The following PAK1 variants were observed in gnomAD, a reference collection of about 807,000 sequenced individuals.
The protein encoded by PAK1 is serine/threonine-protein kinase PAK 1.
Under a neutral mutation model 67.4 loss-of-function variants are expected in PAK1, and 29 were observed. The observed-to-expected ratio is 0.43, with a 90% CI of 0.32 to 0.59. The LOEUF (loss-of-function observed/expected upper bound fraction) is 0.59. Ranked by LOEUF, PAK1 falls within the 20% of genes least tolerant of loss-of-function variation. The probability of loss-of-function intolerance (pLI) is 0.07; values close to 1 mark genes in which losing one functional copy is unlikely to be tolerated. For synonymous variants in PAK1, 223 were observed against 237.4 expected (o/e 0.94, Z 0.56); for missense variants, 337 against 670.7 (o/e 0.50, Z 5.50).
chr11:77,365,652 G>A (rs1244253876), intron 5 of PAK1, among the ~76,000 whole-genome samples: 1 of 151,974 alleles, frequency 6.6e-6, no homozygotes, highest in Non-Finnish European at 1.5e-5. Flanking sequence ...GGCCAATATG[G>A]TGAAACCCCA....
intron 2 of PAK1, among the ~76,000 whole-genome samples, chr11:77,381,178 G>GTGTGTGTGTGTGTGTGTGT (rs869219760): frequency 9.3e-6 from 1 of 107,498 alleles, no homozygotes; most frequent in African/African-American, 2.8e-5. Flanking sequence ...TGTGTGTGTA[G>GTGTGTGTGTGTGTGTGTGT]AGAGAGAGAG....
chr11:77,521,713 G>A, the PAK1 span, among the ~76,000 whole-genome samples: 2 of 152,196 alleles, frequency 1.3e-5, no homozygotes, highest in Non-Finnish European at 1.5e-5. Flanking sequence ...ATGGGGCTTG[G>A]CTTGGTTAGC....
intron 2 of PAK1, 135 bp downstream of exon 2, chr11:77,392,196 G>A (rs1951224376): frequency 1.6e-6 from 1 of 644,284 alleles, no homozygotes; most frequent in South Asian, 2.6e-5. Flanking sequence ...CCACTGTAGG[G>A]AGAAAGGGAA....
chr11:77,523,762 A>G, the PAK1 span, among the ~76,000 whole-genome samples: 3 of 152,204 alleles, frequency 2.0e-5, no homozygotes, highest in Non-Finnish European at 4.4e-5. Context: ...GCATTTTTCC[A>G]TAATAAAAAG....
chr11:77,342,290 T>C (rs1400237135), intron 10 of PAK1, among the ~76,000 whole-genome samples: 2 of 152,194 alleles, frequency 1.3e-5, no homozygotes, highest in Non-Finnish European at 2.9e-5. Context: ...TATTTACTTC[T>C]AATTTCCAGA....
At chr11:77,494,589 T>C in the PAK1 span, among the ~76,000 whole-genome samples, 1 of 133,954 alleles carries the variant, frequency 7.5e-6, no homozygotes, top group Non-Finnish European at 1.5e-5. Flanking sequence ...ATAGCTACTA[T>C]TAAAAAAAAA....
intron 14 of PAK1, among the ~76,000 whole-genome samples, chr11:77,328,008 T>C (rs1940471003): frequency 6.6e-6 from 1 of 152,086 alleles, no homozygotes; most frequent in South Asian, 2.1e-4. Context: ...AAACAGACTT[T>C]AAACCAACAA....
chr11:77,507,442 C>T, the PAK1 span, among the ~76,000 whole-genome samples: 1 of 152,170 alleles, frequency 6.6e-6, no homozygotes, highest in Admixed American at 6.5e-5. Flanking sequence ...ATGTTAAGAG[C>T]AACTAAGGTT....
intron 1 of PAK1, among the ~76,000 whole-genome samples, chr11:77,423,836 C>A (rs1955411767): frequency 6.6e-6 from 1 of 152,142 alleles, no homozygotes; most frequent in African/African-American, 2.4e-5. Context: ...ACTTTATTTA[C>A]AAAAACAGGC....
the PAK1 span, among the ~76,000 whole-genome samples, chr11:77,520,868 G>A: frequency 1.3e-5 from 2 of 152,066 alleles, no homozygotes; most frequent in South Asian, 2.1e-4. Context: ...GTGAGGTGTC[G>A]CTCTTTCTCT....
intron 2 of PAK1, among the ~76,000 whole-genome samples, chr11:77,381,920 G>A (rs565008487): frequency 6.6e-6 from 1 of 152,286 alleles, no homozygotes; most frequent in South Asian, 2.1e-4. Flanking sequence ...AGGCTAAGGG[G>A]TATACCAGGG....
At chr11:77,471,409 G>C (rs1003126021) in intron 1 of PAK1, among the ~76,000 whole-genome samples, 1 of 152,170 alleles carries the variant, frequency 6.6e-6, no homozygotes, top group Non-Finnish European at 1.5e-5. Context: ...TCAAGTAATT[G>C]CAACAGAGCG....
intron 1 of PAK1, among the ~76,000 whole-genome samples, chr11:77,432,150 C>G (rs1485032124): frequency 6.6e-6 from 1 of 151,506 alleles, no homozygotes; most frequent in Non-Finnish European, 1.5e-5. Flanking sequence ...TCCAAAAAAT[C>G]AATTCATTAA....
intron 1 of PAK1, among the ~76,000 whole-genome samples, chr11:77,459,114 G>C (rs1189420605): frequency 1.3e-5 from 2 of 152,220 alleles, no homozygotes; most frequent in Non-Finnish European, 2.9e-5. Flanking sequence ...TCTATTTAGA[G>C]AGATAGAGTA....
At chr11:77,503,617 C>A in the PAK1 span, among the ~76,000 whole-genome samples, 1 of 152,236 alleles carries the variant, frequency 6.6e-6, no homozygotes, top group South Asian at 2.1e-4. Flanking sequence ...AATTCCAACA[C>A]TTTGGGAGGC....
intron 1 of PAK1, among the ~76,000 whole-genome samples, chr11:77,467,599 T>C (rs1428010670): frequency 6.6e-6 from 1 of 152,210 alleles, no homozygotes; most frequent in Non-Finnish European, 1.5e-5. Context: ...CCTTTCAAAA[T>C]AGAGATGCCA....
At chr11:77,450,375 C>T (rs3019236) in intron 1 of PAK1, among the ~76,000 whole-genome samples, 36,736 of 152,034 alleles carry the variant, frequency 0.24, 5,059 homozygotes, top group Non-Finnish European at 0.31. Flanking sequence ...AAGAACCTGG[C>T]AGGTCCCACA....
intron 14 of PAK1, among the ~76,000 whole-genome samples, chr11:77,331,380 C>G (rs1334310898): frequency 6.6e-6 from 1 of 152,150 alleles, no homozygotes; most frequent in Admixed American, 6.5e-5. Context: ...GACTTGGAAC[C>G]AACCTAAATG....
chr11:77,419,700 T>C (rs1399855862), intron 1 of PAK1, among the ~76,000 whole-genome samples: 1 of 152,186 alleles, frequency 6.6e-6, no homozygotes, highest in African/African-American at 2.4e-5. Flanking sequence ...TAAGTGGAAA[T>C]TATAAATCTC....
Sources: gnomAD v4.1 joint callset for allele counts (sites outside exome capture counted in the v4.1 genomes callset) on GRCh38, gnomAD v4.1.1 for gene constraint, MANE v1.5 for transcripts, NCBI Gene and HGNC (gene_info 2026-07-23, HGNC 2026-07-21) for gene names.